The following CPNE4 variants were observed in gnomAD, a reference collection of about 807,000 sequenced individuals.
The protein encoded by CPNE4 is copine-4.
CPNE4 carries 25 observed loss-of-function variants against 67.9 expected under a neutral mutation model. The ratio of observed to expected loss-of-function variants is 0.37; its 90% CI spans 0.27 to 0.51. The LOEUF (loss-of-function observed/expected upper bound fraction) is 0.51, where lower values mean the gene tolerates loss of function less well. CPNE4 is among the 20% of genes least tolerant of loss of function. The pLI is 0.93. For missense variants in CPNE4, 464 were observed against 690.8 expected (o/e 0.67, Z 3.68); for synonymous variants, 242 against 244.9 (o/e 0.99, Z 0.11).
intron 7 of CPNE4, among the ~76,000 whole-genome samples, chr3:131,612,545 T>A (rs189622059): frequency 6.6e-6 from 1 of 152,236 alleles, no homozygotes; most frequent in Admixed American, 6.5e-5. Flanking sequence ...CATAGAGTGG[T>A]GAAAGAGAGA....
intron 2 of CPNE4, among the ~76,000 whole-genome samples, chr3:131,778,187 G>T (rs1333975023): frequency 6.6e-6 from 1 of 152,040 alleles, no homozygotes; most frequent in Non-Finnish European, 1.5e-5. Context: ...TCCTTGCATT[G>T]CCTATTTCTA....
intron 1 of CPNE4, among the ~76,000 whole-genome samples, chr3:132,007,862 G>C (rs1479524278): frequency 6.6e-6 from 1 of 152,142 alleles, no homozygotes; most frequent in Non-Finnish European, 1.5e-5. Context: ...CAGGGTTTCT[G>C]TTCATCACTG....
chr3:131,974,148 C>T (rs1258594015), intron 1 of CPNE4, among the ~76,000 whole-genome samples: 3 of 152,200 alleles, frequency 2.0e-5, no homozygotes, highest in Admixed American at 6.5e-5. Flanking sequence ...AAGGGAAACA[C>T]TCTTGCTTTT....
At chr3:131,809,395 A>G (rs1164379648) in intron 2 of CPNE4, among the ~76,000 whole-genome samples, 1 of 152,186 alleles carries the variant, frequency 6.6e-6, no homozygotes, top group East Asian at 1.9e-4. Flanking sequence ...GATTTTAGCC[A>G]GTGAGATCTG....
chr3:131,977,960 C>T (rs2072712800), intron 1 of CPNE4, among the ~76,000 whole-genome samples: 2 of 147,070 alleles, frequency 1.4e-5, no homozygotes, highest in African/African-American at 5.1e-5. Context: ...AGTTATTTCA[C>T]TTAGAATAAT....
chr3:131,718,814 A>G (rs2081807634), intron 3 of CPNE4, among the ~76,000 whole-genome samples: 1 of 152,246 alleles, frequency 6.6e-6, no homozygotes. Flanking sequence ...AGCCAGGTAT[A>G]CTTGGCATAT....
chr3:131,535,568 G>A (rs2107618681), intron 15 of CPNE4, among the ~76,000 whole-genome samples: 1 of 152,298 alleles, frequency 6.6e-6, no homozygotes, highest in South Asian at 2.1e-4. Flanking sequence ...CTGAAGACGA[G>A]TAAAAGTTGG....
chr3:131,946,604 G>A (rs898833690), intron 1 of CPNE4, among the ~76,000 whole-genome samples: 1 of 152,078 alleles, frequency 6.6e-6, no homozygotes, highest in African/African-American at 2.4e-5. Context: ...TTAAATTTTT[G>A]TTGTTGAGTT....
intron 2 of CPNE4, among the ~76,000 whole-genome samples, chr3:131,835,672 T>C (rs1028936688): frequency 6.6e-6 from 1 of 152,148 alleles, no homozygotes; most frequent in African/African-American, 2.4e-5. Context: ...CCCACCAGCC[T>C]ATCTGTGACA....
chr3:131,858,902 T>C (rs73203867), intron 2 of CPNE4, among the ~76,000 whole-genome samples: 11,631 of 152,204 alleles, frequency 0.076, 576 homozygotes, highest in East Asian at 0.17. Flanking sequence ...TCTTAAGCAG[T>C]GCTTTTAGGA....
chr3:131,813,600 C>T (rs2084620724), intron 2 of CPNE4, among the ~76,000 whole-genome samples: 1 of 151,724 alleles, frequency 6.6e-6, no homozygotes, highest in Admixed American at 6.6e-5. Flanking sequence ...CATTCAAAAT[C>T]TTTTAAAAGT....
At chr3:131,768,745 C>T (rs1373199054) in intron 2 of CPNE4, among the ~76,000 whole-genome samples, 1 of 152,068 alleles carries the variant, frequency 6.6e-6, no homozygotes, top group Non-Finnish European at 1.5e-5. Context: ...AAACTCAATG[C>T]CACACTTCCC....
At chr3:131,550,327 C>G (rs544314735) in intron 13 of CPNE4, among the ~76,000 whole-genome samples, 1 of 152,184 alleles carries the variant, frequency 6.6e-6, no homozygotes, top group South Asian at 2.1e-4. Context: ...TAATATCCTA[C>G]TTTATATATA....
chr3:131,568,582 T>C (rs540480420), intron 10 of CPNE4, among the ~76,000 whole-genome samples: 24 of 152,096 alleles, frequency 1.6e-4, no homozygotes, highest in African/African-American at 5.8e-4. Flanking sequence ...CAAGAACAGG[T>C]GCCCAGTGCT....
At chr3:131,861,722 C>G (rs1220045542) in intron 2 of CPNE4, among the ~76,000 whole-genome samples, 2 of 152,038 alleles carry the variant, frequency 1.3e-5, no homozygotes, top group Non-Finnish European at 2.9e-5. Flanking sequence ...CATGAGCCAC[C>G]AAGCCCGGCC....
chr3:131,587,440 A>C, intron 8 of CPNE4, 44 bp downstream of exon 8: 14 of 1,248,986 alleles, frequency 1.1e-5, no homozygotes, highest in African/African-American at 1.5e-5. Context: ...CTAAGGATGC[A>C]TCATACCGAC....
rs1366313102 is a variant in CPNE4 at position 131,648,034 on chromosome 3, C to G, written c.681+21641G>C. ...TCTCCCCCATCCCAGGATAGGTGCT[C>G]TAAGGATTTTTCATTCCCTATCATT... On this transcript the variant is annotated intron_variant, in intron 7 of 15. Transcript: ENST00000429747. Among the ~76,000 whole-genome samples the G allele has an allele frequency of 3.9e-5, 6 of 152,154 alleles. No individual in the cohort carries two copies. The East Asian group carries it at 5.8e-4, about 15-fold the overall frequency.
intron 5 of CPNE4, among the ~76,000 whole-genome samples, chr3:131,690,161 A>G (rs748273956): frequency 2.6e-5 from 4 of 152,260 alleles, no homozygotes; most frequent in Non-Finnish European, 4.4e-5. Context: ...AACTATAAAC[A>G]TAGTTTTCAC....
chr3:131,793,149 C>A (rs187663617), intron 2 of CPNE4, among the ~76,000 whole-genome samples: 1 of 152,134 alleles, frequency 6.6e-6, no homozygotes, highest in Admixed American at 6.5e-5. Context: ...AAGGACAACA[C>A]CTTAATAACA....
Sources: gnomAD v4.1 joint callset for allele counts (sites outside exome capture counted in the v4.1 genomes callset) on GRCh38, gnomAD v4.1.1 for gene constraint, MANE v1.5 for transcripts, NCBI Gene and HGNC (gene_info 2026-07-23, HGNC 2026-07-21) for gene names.